ZMAT4: variants seen among roughly 807,000 people sequenced by gnomAD.
ZMAT4 encodes zinc finger matrin-type 4, also known as zinc finger matrin-type protein 4.
Under a neutral mutation model 28.7 loss-of-function variants are expected in ZMAT4, and 17 were observed. The ratio of observed to expected loss-of-function variants is 0.59; its 90% CI spans 0.41 to 0.89. ZMAT4 has a LOEUF of 0.89. Ranked by LOEUF, ZMAT4 falls within the 40% of genes least tolerant of loss-of-function variation. The pLI is 0.00. For missense variants in ZMAT4, 240 were observed against 283.8 expected (o/e 0.85, Z 1.11); for synonymous variants, 117 against 109.2 (o/e 1.07, Z -0.44).
At chr8:40,691,076 C>A in intron 4 of ZMAT4, 1 of 253,370 alleles carries the variant, frequency 3.9e-6, no homozygotes, top group South Asian at 1.5e-4. Context: ...AATCACTTTG[C>A]TCCTAGGAGA....
chr8:40,782,088 T>G (rs1201934341), intron 2 of ZMAT4, among the ~76,000 whole-genome samples: 4 of 152,286 alleles, frequency 2.6e-5, no homozygotes, highest in Admixed American at 6.5e-5. Context: ...GTCATCAAAA[T>G]TTTTAAATGT....
At chr8:40,777,088 T>C (rs1813629161) in intron 2 of ZMAT4, among the ~76,000 whole-genome samples, 1 of 152,102 alleles carries the variant, frequency 6.6e-6, no homozygotes, top group South Asian at 2.1e-4. Context: ...CTTTTGATTT[T>C]GACATAAAAC....
intron 5 of ZMAT4, among the ~76,000 whole-genome samples, chr8:40,596,047 G>A (rs566035336): frequency 5.3e-5 from 8 of 152,248 alleles, no homozygotes; most frequent in African/African-American, 1.7e-4. Context: ...AGCCAAGATC[G>A]TGCCATTGCA....
chr8:40,659,344 G>A (rs184184766), intron 5 of ZMAT4, among the ~76,000 whole-genome samples: 27 of 152,240 alleles, frequency 1.8e-4, no homozygotes, highest in Admixed American at 9.8e-4. Flanking sequence ...GAGGGAGTGC[G>A]TTGAGACACC....
intron 6 of ZMAT4, among the ~76,000 whole-genome samples, chr8:40,536,544 T>G (rs1802853253): frequency 6.6e-6 from 1 of 152,224 alleles, no homozygotes; most frequent in Non-Finnish European, 1.5e-5. Flanking sequence ...TCCTTGCGAT[T>G]ACTCCACCTA....
At chr8:40,569,967 C>A (rs756531798) in intron 6 of ZMAT4, among the ~76,000 whole-genome samples, 20 of 152,154 alleles carry the variant, frequency 1.3e-4, no homozygotes, top group Non-Finnish European at 2.6e-4. Context: ...TGATTGGAAC[C>A]TTGACTACTC....
intron 3 of ZMAT4, among the ~76,000 whole-genome samples, chr8:40,737,451 AG>A (rs2150531577): frequency 6.6e-6 from 1 of 152,322 alleles, no homozygotes; most frequent in South Asian, 2.1e-4. Context: ...TAGAAGGAAA[AG>A]GAGGAGGAAG....
intron 5 of ZMAT4, among the ~76,000 whole-genome samples, chr8:40,605,906 TA>T (rs1805563243): frequency 6.6e-6 from 1 of 152,202 alleles, no homozygotes; most frequent in African/African-American, 2.4e-5. Flanking sequence ...GTTGGACTAG[TA>T]CTTTTATCAT....
At chr8:40,890,370 A>G (rs1020832329) in intron 1 of ZMAT4, among the ~76,000 whole-genome samples, 1 of 151,986 alleles carries the variant, frequency 6.6e-6, no homozygotes, top group African/African-American at 2.4e-5. Context: ...ACCTAACACT[A>G]TGACCTTTCT....
At chr8:40,811,813 C>A (rs1466396799) in intron 2 of ZMAT4, among the ~76,000 whole-genome samples, 1 of 152,102 alleles carries the variant, frequency 6.6e-6, no homozygotes. Context: ...ATTCACACCC[C>A]AATGTCATAT....
chr8:40,598,444 T>C (rs1380166856), intron 5 of ZMAT4, among the ~76,000 whole-genome samples: 1 of 152,194 alleles, frequency 6.6e-6, no homozygotes, highest in Non-Finnish European at 1.5e-5. Flanking sequence ...CTGTCACTTA[T>C]GAGTGAGAAC....
At chr8:40,891,024 T>C (rs1450446583) in intron 1 of ZMAT4, among the ~76,000 whole-genome samples, 1 of 151,250 alleles carries the variant, frequency 6.6e-6, no homozygotes. Flanking sequence ...ATTCCAGTAA[T>C]GTCTGCGGCA....
At chr8:40,820,751 T>G in intron 2 of ZMAT4, among the ~76,000 whole-genome samples, 1 of 128,272 alleles carries the variant, frequency 7.8e-6, no homozygotes. Context: ...ATGTGTGCAT[T>G]TGTGCATATG....
chr8:40,629,396 GT>G (rs146091449), intron 5 of ZMAT4, among the ~76,000 whole-genome samples: 65 of 146,980 alleles, frequency 4.4e-4, no homozygotes, highest in African/African-American at 1.3e-3. Flanking sequence ...CTGCAATGGA[GT>G]TTTTTTTTTA....
At chr8:40,601,370 G>C (rs1041009201) in intron 5 of ZMAT4, among the ~76,000 whole-genome samples, 1 of 144,450 alleles carries the variant, frequency 6.9e-6, no homozygotes, top group African/African-American at 2.6e-5. Flanking sequence ...TAAAGAGGCT[G>C]ATAGCCAAAA....
At chr8:40,742,748 T>C (rs1373951540) in intron 3 of ZMAT4, among the ~76,000 whole-genome samples, 3 of 91,098 alleles carry the variant, frequency 3.3e-5, no homozygotes, top group African/African-American at 4.6e-5. Flanking sequence ...TGTGCACGCA[T>C]GCACACACAC....
chr8:40,880,878 ACT>A (rs1279918628), intron 1 of ZMAT4, among the ~76,000 whole-genome samples: 5 of 151,870 alleles, frequency 3.3e-5, no homozygotes, highest in Non-Finnish European at 7.4e-5. Context: ...ATGTTTTCAC[ACT>A]CTACGCTTGT....
At chr8:40,681,588 A>G (rs1054252000) in intron 4 of ZMAT4, among the ~76,000 whole-genome samples, 1 of 152,204 alleles carries the variant, frequency 6.6e-6, no homozygotes, top group Admixed American at 6.5e-5. Flanking sequence ...GCCCACCACA[A>G]AGTCAGGCCT....
rs111657159 is a variant in ZMAT4 at position 40,825,072 on chromosome 8, T to C, written c.102+503A>G. ...TATAACTCTGCAGAAGGCATCTTGA[T>C]TGTGATAAGCACATGTTGGGTATTG... is the stretch of plus-strand genomic sequence containing the variant. On this transcript the variant is annotated intron_variant, in intron 2 of 6. Coordinates refer to ENST00000297737, the MANE Select transcript of ZMAT4 (RefSeq NM_024645.3). Among the ~76,000 whole-genome samples, 335 of 152,340 alleles carry C rather than the reference T, an allele frequency of 2.2e-3. 3 individuals are homozygous for C. Among genetic ancestry groups the C allele is most frequent in the African/African-American group, 7.7e-3 (320 of 41,586 alleles).
Sources: gnomAD v4.1 joint callset for allele counts (sites outside exome capture counted in the v4.1 genomes callset) on GRCh38, gnomAD v4.1.1 for gene constraint, MANE v1.5 for transcripts, NCBI Gene and HGNC (gene_info 2026-07-23, HGNC 2026-07-21) for gene names.